KHDC1: variants seen among roughly 807,000 people sequenced by gnomAD.
The protein encoded by KHDC1 is KH domain containing 1.
Under a neutral mutation model 24.7 loss-of-function variants are expected in KHDC1, and 21 were observed. The ratio of observed to expected loss-of-function variants is 0.85; its 90% CI spans 0.60 to 1.23. The LOEUF (loss-of-function observed/expected upper bound fraction) is 1.23, where lower values mean the gene tolerates loss of function less well. Among genes scored for constraint, KHDC1 ranks in the 50% most tolerant of loss-of-function variants. KHDC1 has a pLI of 0.00. For missense variants in KHDC1, 274 were observed against 298.5 expected (o/e 0.92, Z 0.61); for synonymous variants, 98 against 111.7 (o/e 0.88, Z 0.77).
chr6:73,290,809 C>T, intron 2 of KHDC1: 1 of 330,356 alleles, frequency 3.0e-6, no homozygotes, highest in Non-Finnish European at 5.9e-6. Context: ...CAGCCTCTCT[C>T]AGGGGCTTCT....
chr6:73,252,008 C>T (rs967821281), intron 2 of KHDC1, among the ~76,000 whole-genome samples: 2 of 151,200 alleles, frequency 1.3e-5, no homozygotes, highest in Non-Finnish European at 2.9e-5. Flanking sequence ...TAGGCGTGAG[C>T]CACAGGGCCC....
rs76146370 is a variant in KHDC1 at position 73,242,386 on chromosome 6, C to A, written c.331+20G>T. ...GAGAAGACAAGGATGAAGAAGGGGACGTGGGCAAAGGCCACTCACCGAAGA... is the reference window on the plus strand; with the variant it reads ...GAGAAGACAAGGATGAAGAAGGGGAAGTGGGCAAAGGCCACTCACCGAAGA... On this transcript the variant is annotated intron_variant, in intron 3 of 4. Transcript: ENST00000370384. 0.22 allele frequency: 352,011 copies of A among 1,610,718 alleles called. 46,427 individuals are homozygous for A. The highest frequency in any genetic ancestry group is 0.63 in the African/African-American group (47,264 of 74,670).
chr6:73,298,592 C>A (rs1767806274), intron 1 of KHDC1, among the ~76,000 whole-genome samples: 2 of 151,534 alleles, frequency 1.3e-5, no homozygotes, highest in Non-Finnish European at 2.9e-5. Context: ...CCCGCCACCA[C>A]ACTCGGCTAA....
intron 1 of KHDC1, among the ~76,000 whole-genome samples, chr6:73,304,568 C>G (rs1767928539): frequency 6.6e-6 from 1 of 152,180 alleles, no homozygotes; most frequent in Admixed American, 6.5e-5. Flanking sequence ...TCCCAAAGTA[C>G]TAGGATGACA....
At chr6:73,265,451 C>T (rs1411041091) in intron 2 of KHDC1, among the ~76,000 whole-genome samples, 1 of 145,802 alleles carries the variant, frequency 6.9e-6, no homozygotes, top group Non-Finnish European at 1.5e-5. Context: ...ATTGCTAGAA[C>T]CTGGGAGGTG....
chr6:73,272,246 CTCTGCCT>C (rs943228423), intron 2 of KHDC1, among the ~76,000 whole-genome samples: 2 of 151,626 alleles, frequency 1.3e-5, no homozygotes, highest in African/African-American at 4.8e-5. Context: ...TCACTGCAAT[CTCTGCCT>C]CCCAGGTTCA....
intron 1 of KHDC1, chr6:73,292,314 C>T (rs1362964414): frequency 9.8e-6 from 10 of 1,016,946 alleles, no homozygotes; most frequent in East Asian, 2.4e-5. Context: ...GACTACCTGG[C>T]GGACAAGCAT....
At chr6:73,252,615 A>T (rs1401397130) in intron 2 of KHDC1, among the ~76,000 whole-genome samples, 1 of 151,966 alleles carries the variant, frequency 6.6e-6, no homozygotes, top group East Asian at 1.9e-4. Flanking sequence ...GTTGGAAACC[A>T]GCCTGGGCAA....
chr6:73,278,981 T>G (rs1160586547), intron 2 of KHDC1, among the ~76,000 whole-genome samples: 2 of 152,360 alleles, frequency 1.3e-5, no homozygotes, highest in East Asian at 3.9e-4. Context: ...CTTTTTGGCA[T>G]GGATGATAAA....
intron 1 of KHDC1, among the ~76,000 whole-genome samples, chr6:73,294,714 T>C (rs968886235): frequency 1.1e-4 from 16 of 152,340 alleles, no homozygotes; most frequent in Middle Eastern, 6.8e-3. Context: ...TATGTGTACC[T>C]GCCCAAATCT....
intron 2 of KHDC1, among the ~76,000 whole-genome samples, chr6:73,252,816 CAAA>C (rs202060782): frequency 7.5e-6 from 1 of 132,580 alleles, no homozygotes; most frequent in Non-Finnish European, 1.6e-5. Flanking sequence ...GACTCTACCT[CAAA>C]AAAAAAAAAA....
chr6:73,243,490 ATCTCT>A (rs2150549614), intron 2 of KHDC1, among the ~76,000 whole-genome samples: 1 of 152,352 alleles, frequency 6.6e-6, no homozygotes, highest in Non-Finnish European at 1.5e-5. Flanking sequence ...CATACAGTTG[ATCTCT>A]CATGTACATT....
intron 2 of KHDC1, among the ~76,000 whole-genome samples, chr6:73,249,712 C>T (rs773755734): frequency 6.6e-6 from 1 of 152,150 alleles, no homozygotes; most frequent in Non-Finnish European, 1.5e-5. Context: ...GTGTGAATAA[C>T]TTTCTGATGG....
At chr6:73,273,190 C>T (rs553471419) in intron 2 of KHDC1, among the ~76,000 whole-genome samples, 46 of 130,712 alleles carry the variant, frequency 3.5e-4, no homozygotes, top group Non-Finnish European at 5.2e-4. Context: ...GTTTTTGAGA[C>T]GGAGTCTCTC....
chr6:73,257,936 C>A (rs939585429), intron 2 of KHDC1, among the ~76,000 whole-genome samples: 2 of 152,004 alleles, frequency 1.3e-5, no homozygotes, highest in African/African-American at 4.8e-5. Context: ...AGTGATACTT[C>A]ATCTCTACTA....
In KHDC1 at chr6:73,293,088, A is replaced by G. The variant is rs1767686060; in HGVS notation, c.164-1048T>C. On this transcript the variant is annotated intron_variant, in intron 1 of 4. Coordinates refer to ENST00000370384, the Ensembl canonical transcript of KHDC1. ...ATTAGAAATGCAAGACTGGATGCCAAGATTGATTCTAAATTAGGTCATGTG... is the reference window on the plus strand; with the variant it reads ...ATTAGAAATGCAAGACTGGATGCCAGGATTGATTCTAAATTAGGTCATGTG... 2.1e-6 allele frequency: 2 copies of G among 970,166 alleles called. 1 individual carries two copies. The highest frequency in any genetic ancestry group is 2.5e-5 in the South Asian group (2 of 78,578). 60.1% of individuals were successfully genotyped at this position (970,166 alleles called of 1,614,324 possible). A position where few individuals can be genotyped will look rare whatever the true frequency, so the allele number is the denominator to read the frequency against.
At chr6:73,257,399 TTTTG>T (rs1040983618) in intron 2 of KHDC1, among the ~76,000 whole-genome samples, 115 of 152,184 alleles carry the variant, frequency 7.6e-4, no homozygotes, top group African/African-American at 2.4e-3. Context: ...GGTTGGGAAT[TTTTG>T]TTTGTTTGTT....
At chr6:73,304,377 T>G (rs182624009) in intron 1 of KHDC1, among the ~76,000 whole-genome samples, 9 of 152,308 alleles carry the variant, frequency 5.9e-5, no homozygotes, top group African/African-American at 2.2e-4. Context: ...TATACATACA[T>G]ATAAAATATG....
chr6:73,242,532 TGATACA>T lies in KHDC1; in HGVS notation c.207-8_207-3del. 2 of 1,614,040 alleles carry T rather than the reference TGATACA, an allele frequency of 1.2e-6. No homozygotes were observed. The highest frequency in any genetic ancestry group is 1.7e-6 in the Non-Finnish European group (2 of 1,179,978). ...CCCATGTCCATGCTCTGCTCCGACCTGATACAGAATAGGGCCAAGTCCAAGCAACTG... is the reference window on the plus strand; with the variant it reads ...CCCATGTCCATGCTCTGCTCCGACCTGAATAGGGCCAAGTCCAAGCAACTG... On this transcript the variant is annotated splice_region_variant and splice_polypyrimidine_tract_variant and intron_variant, in intron 2 of 4. Transcript: ENST00000370384.
Sources: allele counts gnomAD v4.1 joint callset (sites outside exome capture counted in the v4.1 genomes callset), GRCh38; gene constraint gnomAD v4.1.1; transcripts MANE v1.5; gene names NCBI Gene and HGNC (gene_info 2026-07-23, HGNC 2026-07-21).